The following IMMP2L variants were observed in gnomAD, a reference collection of about 807,000 sequenced individuals.
IMMP2L encodes the protein mitochondrial inner membrane protease subunit 2.
In IMMP2L, 18 loss-of-function variants were observed where a neutral mutation model predicts 19.3. The ratio of observed to expected loss-of-function variants is 0.93; its 90% CI spans 0.64 to 1.38. The LOEUF (loss-of-function observed/expected upper bound fraction) is 1.38. Ranked by LOEUF, IMMP2L falls within the 40% of genes most tolerant of loss-of-function variation. The probability of loss-of-function intolerance (pLI) is 0.00; values close to 1 mark genes in which losing one functional copy is unlikely to be tolerated. For synonymous variants in IMMP2L, 76 were observed against 73.0 expected (o/e 1.04, Z -0.21); for missense variants, 233 against 218.2 (o/e 1.07, Z -0.43).
At chr7:111,048,675 C>T (rs1792688545) in intron 3 of IMMP2L, among the ~76,000 whole-genome samples, 1 of 152,136 alleles carries the variant, frequency 6.6e-6, no homozygotes, top group Admixed American at 6.5e-5. Flanking sequence ...ATGCTAGGTA[C>T]ATCGTCAAGA....
At chr7:111,358,145 T>C (rs1466111584) in intron 3 of IMMP2L, among the ~76,000 whole-genome samples, 1 of 149,976 alleles carries the variant, frequency 6.7e-6, no homozygotes, top group African/African-American at 2.5e-5. Flanking sequence ...GAATGAACTA[T>C]TTGATTTGCT....
intron 5 of IMMP2L, among the ~76,000 whole-genome samples, chr7:110,754,568 T>C (rs1344850408): frequency 6.6e-6 from 1 of 152,062 alleles, no homozygotes; most frequent in African/African-American, 2.4e-5. Context: ...TATTTTTGGG[T>C]CTAGGGATAT....
At chr7:110,901,862 A>G (rs975505296) in intron 4 of IMMP2L, among the ~76,000 whole-genome samples, 1 of 152,162 alleles carries the variant, frequency 6.6e-6, no homozygotes. Context: ...GAAATTTTAG[A>G]TATATCTGAA....
intron 3 of IMMP2L, among the ~76,000 whole-genome samples, chr7:111,108,893 G>C (rs952776037): frequency 6.6e-6 from 1 of 152,132 alleles, no homozygotes; most frequent in African/African-American, 2.4e-5. Flanking sequence ...TCATTCAGTA[G>C]ATATTTATTG....
intron 5 of IMMP2L, among the ~76,000 whole-genome samples, chr7:110,815,947 T>C (rs1421585753): frequency 1.3e-5 from 2 of 152,270 alleles, no homozygotes; most frequent in East Asian, 1.9e-4. Context: ...TTGAAGGGTT[T>C]TTTGTGTCTC....
chr7:111,280,791 C>T (rs1008228826), intron 3 of IMMP2L, among the ~76,000 whole-genome samples: 5 of 151,892 alleles, frequency 3.3e-5, no homozygotes, highest in Admixed American at 6.6e-5. Context: ...TGAAATTGGC[C>T]GGGTGCGGTG....
intron 3 of IMMP2L, among the ~76,000 whole-genome samples, chr7:111,305,640 T>C (rs1023772453): frequency 6.6e-6 from 1 of 152,204 alleles, no homozygotes; most frequent in Non-Finnish European, 1.5e-5. Flanking sequence ...ATTAGCACTC[T>C]GATTTATATA....
At chr7:111,240,278 A>G (rs1814847629) in intron 3 of IMMP2L, among the ~76,000 whole-genome samples, 1 of 151,998 alleles carries the variant, frequency 6.6e-6, no homozygotes, top group Non-Finnish European at 1.5e-5. Context: ...ATTCCTTTAA[A>G]AACTGTTCTT....
At chr7:111,094,762 A>G (rs1041721473) in intron 3 of IMMP2L, among the ~76,000 whole-genome samples, 1 of 152,142 alleles carries the variant, frequency 6.6e-6, no homozygotes, top group East Asian at 1.9e-4. Context: ...GTAAAACATG[A>G]TAACAATTAT....
chr7:110,868,548 T>A (rs1393164921), intron 5 of IMMP2L, among the ~76,000 whole-genome samples: 1 of 152,114 alleles, frequency 6.6e-6, no homozygotes, highest in East Asian at 1.9e-4. Context: ...AATCTAGACA[T>A]TCATTAAACT....
intron 5 of IMMP2L, among the ~76,000 whole-genome samples, chr7:110,739,433 C>G (rs1457771823): frequency 6.6e-6 from 1 of 152,042 alleles, no homozygotes; most frequent in African/African-American, 2.4e-5. Flanking sequence ...TCAAACAAAA[C>G]AAATTTTAAA....
chr7:110,738,964 A>G (rs1412514469), intron 5 of IMMP2L, among the ~76,000 whole-genome samples: 1 of 152,238 alleles, frequency 6.6e-6, no homozygotes, highest in African/African-American at 2.4e-5. Context: ...AGTGAAACTA[A>G]GCTTCATAAA....
chr7:111,488,585 C>T (rs1842840031), intron 2 of IMMP2L, among the ~76,000 whole-genome samples: 1 of 152,112 alleles, frequency 6.6e-6, no homozygotes, highest in South Asian at 2.1e-4. Context: ...GACTGATGGG[C>T]ATTTGGGCTG....
At chr7:110,885,695 G>A (rs1161208155) in intron 5 of IMMP2L, among the ~76,000 whole-genome samples, 2 of 152,070 alleles carry the variant, frequency 1.3e-5, no homozygotes, top group South Asian at 2.1e-4. Context: ...CCACTTTGAC[G>A]TAAGGATTAC....
chr7:110,975,761 A>G (rs1820624872), intron 3 of IMMP2L, among the ~76,000 whole-genome samples: 1 of 152,120 alleles, frequency 6.6e-6, no homozygotes. Flanking sequence ...TAGCACTGCA[A>G]TGGGTTATAG....
chr7:111,243,193 A>G (rs1442520136), intron 3 of IMMP2L, among the ~76,000 whole-genome samples: 1 of 152,078 alleles, frequency 6.6e-6, no homozygotes, highest in African/African-American at 2.4e-5. Context: ...CCATTCAATC[A>G]TTCCCAAGAT....
At chr7:111,150,156 G>T (rs1439027457) in intron 3 of IMMP2L, among the ~76,000 whole-genome samples, 1 of 152,112 alleles carries the variant, frequency 6.6e-6, no homozygotes, top group East Asian at 1.9e-4. Flanking sequence ...CTCTTTGTAG[G>T]TTTGACAATG....
chr7:111,465,913 T>C (rs1482288582), intron 3 of IMMP2L, among the ~76,000 whole-genome samples: 1 of 152,074 alleles, frequency 6.6e-6, no homozygotes, highest in Non-Finnish European at 1.5e-5. Flanking sequence ...TAGCAAAGAC[T>C]TGGAACCAGG....
At chr7:111,350,319 T>C (rs1284727913) in intron 3 of IMMP2L, among the ~76,000 whole-genome samples, 2 of 150,424 alleles carry the variant, frequency 1.3e-5, no homozygotes, top group African/African-American at 2.5e-5. Flanking sequence ...AATAATAAAC[T>C]ATATTACATA....
Sources: gnomAD v4.1 joint callset for allele counts (sites outside exome capture counted in the v4.1 genomes callset) on GRCh38, gnomAD v4.1.1 for gene constraint, MANE v1.5 for transcripts, NCBI Gene and HGNC (gene_info 2026-07-23, HGNC 2026-07-21) for gene names.